KHDRBS2: variants seen among roughly 807,000 people sequenced by gnomAD.
The protein encoded by KHDRBS2 is KH domain-containing, RNA-binding, signal transduction-associated protein 2.
A neutral mutation model predicts 44.3 loss-of-function variants in KHDRBS2; 26 were observed. That is an observed-to-expected ratio of 0.59 (90% CI 0.43 to 0.81). The LOEUF (loss-of-function observed/expected upper bound fraction) is 0.81, where lower values mean the gene tolerates loss of function less well. Ranked by LOEUF, KHDRBS2 falls within the 40% of genes least tolerant of loss-of-function variation. KHDRBS2 has a pLI of 0.00. For synonymous variants in KHDRBS2, 194 were observed against 151.1 expected (o/e 1.28, Z -2.08); for missense variants, 476 against 433.1 (o/e 1.10, Z -0.88).
At chr6:62,184,552 C>T (rs1476420496) in intron 1 of KHDRBS2, among the ~76,000 whole-genome samples, 1 of 151,712 alleles carries the variant, frequency 6.6e-6, no homozygotes. Context: ...TGTAGCTTTA[C>T]ATTTAATAAT....
intron 1 of KHDRBS2, among the ~76,000 whole-genome samples, chr6:62,231,286 T>G (rs1211744050): frequency 6.6e-6 from 1 of 152,162 alleles, no homozygotes; most frequent in African/African-American, 2.4e-5. Flanking sequence ...CAATTCTGCA[T>G]GGTTGGGAGA....
At chr6:62,174,634 T>C (rs990117471) in intron 2 of KHDRBS2, among the ~76,000 whole-genome samples, 1 of 151,700 alleles carries the variant, frequency 6.6e-6, no homozygotes, top group Non-Finnish European at 1.5e-5. Flanking sequence ...AAAAAAGTCA[T>C]GTAGTAAAGT....
chr6:62,062,528 A>G (rs1792241589), intron 2 of KHDRBS2, among the ~76,000 whole-genome samples: 1 of 151,904 alleles, frequency 6.6e-6, no homozygotes, highest in African/African-American at 2.4e-5. Flanking sequence ...CTGAATGACT[A>G]CTGGGTACAT....
At chr6:62,071,326 C>T (rs942958094) in intron 2 of KHDRBS2, among the ~76,000 whole-genome samples, 3 of 152,164 alleles carry the variant, frequency 2.0e-5, no homozygotes, top group South Asian at 2.1e-4. Flanking sequence ...TTTTGCTGTG[C>T]AGAAGCTCTT....
intron 4 of KHDRBS2, among the ~76,000 whole-genome samples, chr6:61,924,217 TAA>T (rs1475108681): frequency 6.6e-6 from 1 of 152,076 alleles, no homozygotes; most frequent in Non-Finnish European, 1.5e-5. Flanking sequence ...TCAATATTGA[TAA>T]GTTATCAATT....
At chr6:61,640,163 A>T in the KHDRBS2 span, among the ~76,000 whole-genome samples, 5 of 152,128 alleles carry the variant, frequency 3.3e-5, no homozygotes, top group Non-Finnish European at 7.4e-5. Flanking sequence ...TTGCTTTAAA[A>T]TATTAGATAA....
intron 1 of KHDRBS2, among the ~76,000 whole-genome samples, chr6:62,268,881 T>C (rs1018700071): frequency 3.9e-5 from 6 of 152,172 alleles, no homozygotes; most frequent in African/African-American, 1.2e-4. Flanking sequence ...AGGGTCAATA[T>C]TGAAAAACAA....
In KHDRBS2 at chr6:62,177,276, T is replaced by C; in HGVS notation, c.128A>G (p.Glu43Gly). ...ATCAAGATACTTCTTTTCTTCGTCT[T>C]CCTTTTTTCCATCAGAACCTTGAAA... ...EKFQGSDGKK[E>G]DEEKKYLDVI... is the part of the protein sequence containing the mutation. The change falls in exon 2 of 9, where the codon GAA (glutamate) becomes GGA (glycine). Residue 43 changes from glutamate (E) to glycine (G), a missense_variant. Glu to Gly is a moderately conservative substitution (Grantham distance 98). Transcript: ENST00000281156. 1 of 1,601,570 alleles carries C rather than the reference T, an allele frequency of 6.2e-7. No individual in the cohort carries two copies. Among genetic ancestry groups the C allele is most frequent in the East Asian group, 2.2e-5 (1 of 44,486 alleles).
intron 6 of KHDRBS2, among the ~76,000 whole-genome samples, chr6:61,873,166 T>C (rs1338229337): frequency 6.6e-6 from 1 of 152,036 alleles, no homozygotes; most frequent in Non-Finnish European, 1.5e-5. Context: ...AACTTAAATA[T>C]TCTACCACAT....
chr6:62,167,428 T>C (rs1386500749), intron 2 of KHDRBS2, among the ~76,000 whole-genome samples: 3 of 152,056 alleles, frequency 2.0e-5, no homozygotes, highest in Non-Finnish European at 1.5e-5. Flanking sequence ...ATTAAAAGGA[T>C]GGGTAATCAG....
chr6:61,626,677 G>A, the KHDRBS2 span, among the ~76,000 whole-genome samples: 2 of 152,220 alleles, frequency 1.3e-5, no homozygotes, highest in African/African-American at 4.8e-5. Context: ...GTTAGTGTCA[G>A]GCTAAAAGTT....
At chr6:62,036,197 G>A (rs1785247318) in intron 3 of KHDRBS2, among the ~76,000 whole-genome samples, 1 of 151,826 alleles carries the variant, frequency 6.6e-6, no homozygotes, top group Non-Finnish European at 1.5e-5. Flanking sequence ...CCTGAGTACA[G>A]GGTGCACATC....
chr6:62,145,107 C>A (rs568790219), intron 2 of KHDRBS2, among the ~76,000 whole-genome samples: 36 of 151,960 alleles, frequency 2.4e-4, no homozygotes, highest in Non-Finnish European at 4.9e-4. Context: ...AAATAAAACT[C>A]TTTTCTTTAT....
intron 5 of KHDRBS2, among the ~76,000 whole-genome samples, chr6:61,899,101 G>A (rs577333299): frequency 6.6e-5 from 10 of 151,702 alleles, no homozygotes; most frequent in Non-Finnish European, 1.2e-4. Flanking sequence ...CTTACTAGAT[G>A]TCCAAAAACA....
At chr6:61,570,284 G>C in the KHDRBS2 span, among the ~76,000 whole-genome samples, 2 of 152,040 alleles carry the variant, frequency 1.3e-5, no homozygotes, top group African/African-American at 4.8e-5. Context: ...ACAGTGCAAA[G>C]TTTTAGCAAT....
chr6:61,708,894 A>G (rs1770026773), intron 7 of KHDRBS2, among the ~76,000 whole-genome samples: 1 of 151,764 alleles, frequency 6.6e-6, no homozygotes, highest in Admixed American at 6.6e-5. Context: ...CTTGGAATAC[A>G]ATCAGTACTT....
In KHDRBS2 at chr6:61,945,146, T is replaced by C. The variant is rs1949366; in HGVS notation, c.483+32920A>G. On this transcript the variant is annotated intron_variant, in intron 4 of 8. Coordinates refer to ENST00000281156, the MANE Select transcript of KHDRBS2 (RefSeq NM_152688.4). ...ATATATATATATATATATATATATA[T>C]ATATACACACAGACTTGTCTTGATA... Among the ~76,000 whole-genome samples the C allele has an allele frequency of 2.0e-3, 161 of 80,552 alleles. 18 individuals carry two copies. Among genetic ancestry groups the C allele is most frequent in the Admixed American group, 8.6e-3 (59 of 6,890 alleles). 52.8% of individuals were successfully genotyped at this position (80,552 alleles called of 152,430 possible).
rs1204341059 is a variant in KHDRBS2, at chr6:61,848,489, A to ATATATATG, written c.810+46145_810+46146insCATATATA. On this transcript the variant is annotated intron_variant, in intron 6 of 8. Coordinates refer to ENST00000281156, the MANE Select transcript of KHDRBS2 (RefSeq NM_152688.4). ...AGGTTTTATATATATATATATATAT[A>ATATATATG]TGTATATATATATATATATATGTAT... Among the ~76,000 whole-genome samples the ATATATATG allele has an allele frequency of 2.9e-4, 13 of 44,644 alleles. 3 individuals are homozygous for ATATATATG. The highest frequency in any genetic ancestry group is 1.3e-3 in the African/African-American group (10 of 7,942). 29.3% of individuals were successfully genotyped at this position (44,644 alleles called of 152,430 possible).
chr6:61,647,977 C>T, the KHDRBS2 span, among the ~76,000 whole-genome samples: 1 of 152,044 alleles, frequency 6.6e-6, no homozygotes, highest in Non-Finnish European at 1.5e-5. Context: ...TCATAACATG[C>T]TTGGACCAAC....
Sources: allele counts gnomAD v4.1 joint callset (sites outside exome capture counted in the v4.1 genomes callset), GRCh38; gene constraint gnomAD v4.1.1; transcripts MANE v1.5; gene names NCBI Gene and HGNC (gene_info 2026-07-23, HGNC 2026-07-21).